Variants in ZNF124 observed in about 807,000 individuals in gnomAD.
ZNF124 encodes the protein zinc finger protein 124.
In ZNF124, 25 loss-of-function variants were observed where a neutral mutation model predicts 26.6. That is an observed-to-expected ratio of 0.94 (90% CI 0.68 to 1.31). ZNF124 has a LOEUF of 1.31. Among genes scored for constraint, ZNF124 ranks in the 40% most tolerant of loss-of-function variants. The pLI is 0.00. For synonymous variants in ZNF124, 129 were observed against 133.3 expected (o/e 0.97, Z 0.22); for missense variants, 444 against 422.2 (o/e 1.05, Z -0.45).
At chr1:247,146,246 C>T (rs757758106) in intron 3 of ZNF124, among the ~76,000 whole-genome samples, 10 of 152,234 alleles carry the variant, frequency 6.6e-5, no homozygotes, top group Non-Finnish European at 1.5e-4. Context: ...AGCTTTGCTT[C>T]ATATAGTGCA....
At chr1:247,134,136 G>A (rs1387551043) in intron 3 of ZNF124, among the ~76,000 whole-genome samples, 2 of 152,110 alleles carry the variant, frequency 1.3e-5, no homozygotes, top group Non-Finnish European at 2.9e-5. Context: ...ACTGGTACCA[G>A]CCACTGCAAA....
intron 3 of ZNF124, among the ~76,000 whole-genome samples, chr1:247,136,646 TA>T (rs546151024): frequency 1.2e-3 from 185 of 152,296 alleles, no homozygotes; most frequent in African/African-American, 4.4e-3. Context: ...AAAAACTATT[TA>T]AAATTTCATG....
At chr1:247,134,382 TAGGTTCAATATAA>T (rs1433609621) in intron 3 of ZNF124, among the ~76,000 whole-genome samples, 3 of 152,074 alleles carry the variant, frequency 2.0e-5, no homozygotes, top group Admixed American at 6.5e-5. Flanking sequence ...AAGACACACA[TAGGTTCAATATAA>T]AGGGATGAAG....
At chr1:247,149,580 A>G (rs1672872625) in intron 3 of ZNF124, among the ~76,000 whole-genome samples, 1 of 152,274 alleles carries the variant, frequency 6.6e-6, no homozygotes, top group African/African-American at 2.4e-5. Flanking sequence ...AATAAGTCAG[A>G]CACAGAAAGA....
intron 3 of ZNF124, chr1:247,138,514 C>T: frequency 2.9e-6 from 1 of 348,986 alleles, no homozygotes; most frequent in Non-Finnish European, 5.2e-6. Flanking sequence ...TCAATAGGTG[C>T]AGCAAACCAC....
chr1:247,131,346 G>A (rs74152935), intron 3 of ZNF124, among the ~76,000 whole-genome samples: 7 of 152,296 alleles, frequency 4.6e-5, no homozygotes, highest in Admixed American at 3.3e-4. Flanking sequence ...CCACGCCACC[G>A]AGGCCTGCCG....
exon 4 of ZNF124, chr1:247,123,571 C>G: frequency 2.6e-6 from 1 of 385,926 alleles, no homozygotes; most frequent in Non-Finnish European, 4.6e-6. Flanking sequence ...ATTAGCAAAT[C>G]GACCATTTCC....
chr1:247,159,974 CA>C, intron 1 of ZNF124, 161 bp from the exon 2 acceptor site: 1 of 443,158 alleles, frequency 2.3e-6, no homozygotes, highest in Non-Finnish European at 3.4e-6. Context: ...TCCCACATAG[CA>C]GTTCTTTTTT....
chr1:247,154,191 C>T (rs118068673), downstream of ZNF124, among the ~76,000 whole-genome samples: 35 of 152,292 alleles, frequency 2.3e-4, no homozygotes, highest in East Asian at 6.8e-3. Context: ...TAATAATTCC[C>T]ACGTGTCAAG....
Position 247,157,054 on chromosome 1 carries a change from A to C in ZNF124, c.568T>G (p.Ser190Ala). The change falls in exon 4 of 4, where the codon TCC becomes GCC. Residue 190 changes from serine to alanine, a missense_variant. Ser to Ala is a moderately conservative substitution (Grantham distance 99). Transcript: ENST00000543802. ...CTTTCATGGTCACGAAGGTGACTGG[A>C]ACGACTGAAGGCTTTCCCACATTGC... ...CKQCGKAFSR[S>A]SHLRDHERTH... 6.2e-7 allele frequency: 1 copy of C among 1,613,282 alleles called. No homozygotes were observed. The highest frequency in any genetic ancestry group is 8.5e-7 in the Non-Finnish European group (1 of 1,179,774).
chr1:247,138,240 TGTG>T (rs928548774), intron 3 of ZNF124: 4 of 151,796 alleles, frequency 2.6e-5, no homozygotes, highest in African/African-American at 7.3e-5. Flanking sequence ...ATAAAGAAAA[TGTG>T]GTGTATATAT....
At chr1:247,141,767 C>T (rs538971526) in intron 3 of ZNF124, among the ~76,000 whole-genome samples, 15 of 152,266 alleles carry the variant, frequency 9.9e-5, no homozygotes, top group Non-Finnish European at 1.9e-4. Context: ...CCCAAGGGTC[C>T]GCACTGGGTG....
chr1:247,163,373 A>G (rs1341689494), intron 1 of ZNF124, among the ~76,000 whole-genome samples: 1 of 126,746 alleles, frequency 7.9e-6, no homozygotes. Context: ...TTGAAATAAG[A>G]TAGATTGCTA....
chr1:247,167,927 A>G (rs1429780909), intron 1 of ZNF124, among the ~76,000 whole-genome samples: 1 of 152,234 alleles, frequency 6.6e-6, no homozygotes, highest in African/African-American at 2.4e-5. Context: ...GAAGATATAC[A>G]AATAGCCAAT....
chr1:247,166,264 G>A (rs952174560), intron 1 of ZNF124, among the ~76,000 whole-genome samples: 9 of 152,210 alleles, frequency 5.9e-5, no homozygotes, highest in Non-Finnish European at 1.3e-4. Flanking sequence ...TACACTGCTG[G>A]TGGGAATTCA....
chr1:247,158,810 G>C (rs1462835353), intron 3 of ZNF124, among the ~76,000 whole-genome samples, 196 bp downstream of exon 3: 1 of 152,066 alleles, frequency 6.6e-6, no homozygotes, highest in Non-Finnish European at 1.5e-5. Flanking sequence ...TGTATTTTTA[G>C]TAGAGACGGG....
chr1:247,147,260 T>C (rs1024389678), intron 3 of ZNF124, among the ~76,000 whole-genome samples: 3 of 149,730 alleles, frequency 2.0e-5, no homozygotes, highest in Non-Finnish European at 4.4e-5. Flanking sequence ...GGGGTCTTGC[T>C]CTGTTGCCCA....
chr1:247,160,568 A>G (rs1673424284), intron 1 of ZNF124, among the ~76,000 whole-genome samples: 1 of 152,234 alleles, frequency 6.6e-6, no homozygotes, highest in African/African-American at 2.4e-5. Flanking sequence ...CCTAAGTGAT[A>G]AAAGTAGCTC....
intron 3 of ZNF124, among the ~76,000 whole-genome samples, chr1:247,140,454 A>C (rs1441284528): frequency 6.6e-6 from 1 of 152,118 alleles, no homozygotes; most frequent in Non-Finnish European, 1.5e-5. Flanking sequence ...CCATATTCTA[A>C]ATTCCATTTG....
Sources: gnomAD v4.1 joint callset for allele counts (sites outside exome capture counted in the v4.1 genomes callset) on GRCh38, gnomAD v4.1.1 for gene constraint, MANE v1.5 for transcripts, NCBI Gene and HGNC (gene_info 2026-07-23, HGNC 2026-07-21) for gene names.